The following ANK3 variants were observed in gnomAD, a reference collection of about 807,000 sequenced individuals.
ANK3 encodes the protein ankyrin-3.
Under a neutral mutation model 370.9 loss-of-function variants are expected in ANK3, and 57 were observed. The ratio of observed to expected loss-of-function variants is 0.15; its 90% CI spans 0.12 to 0.19. The LOEUF is 0.19. Among genes scored for constraint, ANK3 ranks in the 10% least tolerant of loss-of-function variants. ANK3 has a pLI of 1.00. For synonymous variants in ANK3, 1,929 were observed against 1,946.3 expected, an observed-to-expected ratio of 0.99 and a Z score of 0.23; for missense variants, 4,439 against 5,302.1, an observed-to-expected ratio of 0.84 and a Z score of 5.06.
intron 40 of ANK3, chr10:60,060,390 A>C (rs2080173107): frequency 6.4e-6 from 1 of 155,586 alleles, no homozygotes; most frequent in South Asian, 2.0e-4. Context: ...TAGCATGCGA[A>C]GTTCATACTG....
intron 9 of ANK3, among the ~76,000 whole-genome samples, chr10:60,209,470 T>C (rs2096818022): frequency 6.6e-6 from 1 of 152,166 alleles, no homozygotes; most frequent in African/African-American, 2.4e-5. Context: ...ACTATTTGTG[T>C]TCCGTGAAGG....
At chr10:60,366,875 T>C (rs2059455695) in intron 1 of ANK3, among the ~76,000 whole-genome samples, 1 of 152,200 alleles carries the variant, frequency 6.6e-6, no homozygotes, top group Non-Finnish European at 1.5e-5. Context: ...CCCTTCAGTG[T>C]CCTTGGAGGT....
intron 2 of ANK3, among the ~76,000 whole-genome samples, chr10:60,457,156 A>ATG (rs2064768804): frequency 2.6e-5 from 4 of 152,172 alleles, no homozygotes; most frequent in Non-Finnish European, 5.9e-5. Context: ...GCTCCTGAGC[A>ATG]GAGGGCAATA....
chr10:60,195,112 G>A (rs1054970218), intron 16 of ANK3, among the ~76,000 whole-genome samples: 1 of 152,264 alleles, frequency 6.6e-6, no homozygotes, highest in Admixed American at 6.5e-5. Context: ...GGGAGGCCGG[G>A]CGCGGTGTGT....
intron 2 of ANK3, among the ~76,000 whole-genome samples, chr10:60,467,150 A>T (rs939587468): frequency 6.6e-6 from 1 of 152,242 alleles, no homozygotes; most frequent in Non-Finnish European, 1.5e-5. Context: ...CAATTCATTC[A>T]AGATTAAAAA....
intron 2 of ANK3, among the ~76,000 whole-genome samples, chr10:60,492,518 T>C (rs2075535018): frequency 6.6e-6 from 1 of 151,152 alleles, no homozygotes; most frequent in African/African-American, 2.4e-5. Context: ...CTATCCTGGC[T>C]AACACAGTGA....
At position 60,102,609 on chromosome 10, in the gene ANK3, T is replaced by C. The variant is rs988859039; in HGVS notation, c.3328+3296A>G. 2.0e-4 allele frequency among the ~76,000 whole-genome samples: 30 copies of C among 152,224 alleles called. 1 individual carries two copies. Among genetic ancestry groups the C allele is most frequent in the African/African-American group, 6.5e-4 (27 of 41,462 alleles). On this transcript the variant is annotated intron_variant, in intron 28 of 43. Coordinates refer to ENST00000280772, the MANE Select transcript of ANK3 (RefSeq NM_020987.5). ...TTCTCTTTCCCAGGAGTTATTCTAC[T>C]AGTTAAATTTGATTGCGTACATGGA...
chr10:60,696,710 T>G (rs2079458618), intron 1 of ANK3, among the ~76,000 whole-genome samples: 1 of 149,436 alleles, frequency 6.7e-6, no homozygotes, highest in African/African-American at 2.5e-5. Flanking sequence ...CAGCCCTTCA[T>G]GCTAAAAACT....
At chr10:60,333,217 G>T (rs1286959457) in intron 1 of ANK3, among the ~76,000 whole-genome samples, 1 of 151,948 alleles carries the variant, frequency 6.6e-6, no homozygotes, top group East Asian at 1.9e-4. Context: ...TGTTACATAG[G>T]TATACACGTG....
chr10:60,685,204 C>T (rs2079251829), intron 1 of ANK3: 1 of 398,804 alleles, frequency 2.5e-6, no homozygotes, highest in East Asian at 6.6e-5. Context: ...TTGTATTGTT[C>T]AATGATCAGA....
Position 60,196,644 on chromosome 10 carries a change from A to T in ANK3, c.1690-19T>A, listed in dbSNP as rs1433044094. The T allele has an allele frequency of 6.8e-7, 1 of 1,461,634 alleles. No homozygotes were observed. The highest frequency in any genetic ancestry group is 2.3e-5 in the East Asian group (1 of 43,950). The allele number at this position is 1,461,634 out of a possible 1,614,324, so 90.5% of individuals were successfully genotyped here. On this transcript the variant is annotated intron_variant, in intron 14 of 43. Coordinates refer to ENST00000280772, the MANE Select transcript of ANK3 (RefSeq NM_020987.5). Reference sequence around the variant, plus strand: ...ATCCTTTCTGAAAAAAAAAAAACATAAAAATAATGAACAATAGAAATGACA... The same window carrying T: ...ATCCTTTCTGAAAAAAAAAAAACATTAAAATAATGAACAATAGAAATGACA...
chr10:60,460,045 C>CTA (rs535344184), intron 2 of ANK3, among the ~76,000 whole-genome samples: 235 of 151,926 alleles, frequency 1.5e-3, no homozygotes, highest in Non-Finnish European at 2.8e-3. Flanking sequence ...CCTTTGCCCT[C>CTA]TAACATCTGA....
At position 60,722,578 on chromosome 10, in the gene ANK3, T is replaced by C. The variant is rs117948689; in HGVS notation, c.57+10685A>G. Among the ~76,000 whole-genome samples the C allele has an allele frequency of 5.9e-5, 9 of 152,344 alleles. No individual in the cohort carries two copies. In the East Asian group the frequency reaches 1.7e-3, roughly 29 times the overall value. On this transcript the variant is annotated intron_variant, in intron 1 of 43. Coordinates refer to the ANK3 transcript ENST00000373827. ...CTGAGATAGTATTTGCTATTATTTA[T>C]CATGTTTGGCAAGATGCTAAAGGAT...
At chr10:60,695,347 C>A (rs1046405084) in intron 1 of ANK3, among the ~76,000 whole-genome samples, 2 of 152,106 alleles carry the variant, frequency 1.3e-5, no homozygotes, top group African/African-American at 4.8e-5. Flanking sequence ...ATCAACGAGA[C>A]AGAAAGTCAA....
At chr10:60,711,615 G>A (rs1302499645) in intron 1 of ANK3, among the ~76,000 whole-genome samples, 1 of 151,864 alleles carries the variant, frequency 6.6e-6, no homozygotes, top group Non-Finnish European at 1.5e-5. Flanking sequence ...ATACATAATG[G>A]CAATGCCAGG....
At chr10:60,331,533 T>C (rs1341384074) in intron 1 of ANK3, among the ~76,000 whole-genome samples, 1 of 151,572 alleles carries the variant, frequency 6.6e-6, no homozygotes, top group Non-Finnish European at 1.5e-5. Flanking sequence ...TCTCAATAAT[T>C]TGGAGGAAAC....
intron 1 of ANK3, among the ~76,000 whole-genome samples, chr10:60,340,407 G>A (rs1477939903): frequency 6.6e-6 from 1 of 151,770 alleles, no homozygotes; most frequent in Admixed American, 6.6e-5. Flanking sequence ...GCTAATTTTT[G>A]TTTTTTTCTT....
chr10:60,197,348 T>C lies in ANK3; in HGVS notation c.1690-723A>G, dbSNP rs184860323. The stretch of plus-strand genomic sequence containing the variant: ...CAGACTTCCAACTCCTACAAGAATC[T>C]GTGTATCAACCAGCCAATCAGCACA... On this transcript the variant is annotated intron_variant, in intron 14 of 43. Transcript: ENST00000280772. Among the ~76,000 whole-genome samples, 597 of 152,296 alleles carry C rather than the reference T, an allele frequency of 3.9e-3. 3 individuals are homozygous for C. Among genetic ancestry groups the C allele is most frequent in the Admixed American group, 6.7e-3 (102 of 15,294 alleles).
chr10:60,523,869 G>A (rs1003099246), intron 2 of ANK3, among the ~76,000 whole-genome samples: 1 of 152,054 alleles, frequency 6.6e-6, no homozygotes, highest in Non-Finnish European at 1.5e-5. Flanking sequence ...AAAAGTTGTT[G>A]TAAGATTAAA....
Sources: allele counts gnomAD v4.1 joint callset (sites outside exome capture counted in the v4.1 genomes callset), GRCh38; gene constraint gnomAD v4.1.1; transcripts MANE v1.5; gene names NCBI Gene and HGNC (gene_info 2026-07-23, HGNC 2026-07-21).